The following HS6ST3 variants were observed in gnomAD, a reference collection of about 807,000 sequenced individuals.
HS6ST3 encodes the protein heparan-sulfate 6-O-sulfotransferase 3.
A neutral mutation model predicts 36.7 loss-of-function variants in HS6ST3; 12 were observed. That is an observed-to-expected ratio of 0.33 (90% CI 0.21 to 0.53). The LOEUF (loss-of-function observed/expected upper bound fraction) is 0.53. Ranked by LOEUF, HS6ST3 falls within the 20% of genes least tolerant of loss-of-function variation. The pLI, the probability that HS6ST3 is intolerant of heterozygous loss-of-function variation, is 0.95. For missense variants in HS6ST3, 584 were observed against 640.9 expected, an observed-to-expected ratio of 0.91 and a Z score of 0.96; for synonymous variants, 240 against 257.5, an observed-to-expected ratio of 0.93 and a Z score of 0.65.
intron 1 of HS6ST3, among the ~76,000 whole-genome samples, chr13:96,129,573 G>C (rs2053966642): frequency 6.6e-6 from 1 of 152,176 alleles, no homozygotes; most frequent in African/African-American, 2.4e-5. Flanking sequence ...AGTTAATTTG[G>C]AGCTTATCTT....
chr13:96,770,942 G>A (rs1248895867), intron 1 of HS6ST3, among the ~76,000 whole-genome samples: 1 of 152,124 alleles, frequency 6.6e-6, no homozygotes, highest in Non-Finnish European at 1.5e-5. Context: ...AAAGCAGGAG[G>A]CCTCTTTTAA....
intron 1 of HS6ST3, among the ~76,000 whole-genome samples, chr13:96,381,370 TTATC>T: frequency 9.7e-6 from 1 of 102,638 alleles, no homozygotes; most frequent in East Asian, 2.7e-4. Flanking sequence ...GTATATCTAT[TTATC>T]CATCTATCTA....
intron 1 of HS6ST3, among the ~76,000 whole-genome samples, chr13:96,199,540 A>T (rs2054331032): frequency 6.6e-6 from 1 of 152,226 alleles, no homozygotes; most frequent in Non-Finnish European, 1.5e-5. Flanking sequence ...ATTCATTTTA[A>T]TAACTGAGTA....
intron 1 of HS6ST3, among the ~76,000 whole-genome samples, chr13:96,658,281 T>C (rs1285263953): frequency 6.8e-5 from 2 of 29,626 alleles, no homozygotes; most frequent in Non-Finnish European, 1.5e-4. Context: ...TTTTTTTTTT[T>C]TTTTTTTTTT....
chr13:96,787,986 CCAA>C (rs2138518305), intron 1 of HS6ST3, among the ~76,000 whole-genome samples: 1 of 151,966 alleles, frequency 6.6e-6, no homozygotes, highest in East Asian at 1.9e-4. Flanking sequence ...TCCAATTACT[CCAA>C]CACCATTTGT....
intron 1 of HS6ST3, among the ~76,000 whole-genome samples, chr13:96,583,810 A>T (rs1321449595): frequency 6.6e-6 from 1 of 151,690 alleles, no homozygotes; most frequent in Non-Finnish European, 1.5e-5. Context: ...TCCCCTGATC[A>T]CTCTTATCTA....
At chr13:96,719,131 G>A (rs965901138) in intron 1 of HS6ST3, among the ~76,000 whole-genome samples, 14 of 152,076 alleles carry the variant, frequency 9.2e-5, no homozygotes, top group African/African-American at 3.1e-4. Context: ...AAAATTAGCA[G>A]GGTATGGTGG....
chr13:96,227,647 C>A (rs949539231), intron 1 of HS6ST3, among the ~76,000 whole-genome samples: 1 of 152,190 alleles, frequency 6.6e-6, no homozygotes, highest in Non-Finnish European at 1.5e-5. Context: ...ATTAATTAGA[C>A]AAGAAGCCTC....
At chr13:96,488,187 A>G (rs1343046579) in intron 1 of HS6ST3, among the ~76,000 whole-genome samples, 2 of 152,082 alleles carry the variant, frequency 1.3e-5, no homozygotes, top group African/African-American at 4.8e-5. Flanking sequence ...CACCCCGTGA[A>G]CTTGGCTTCT....
chr13:96,412,152 G>A (rs534637268), intron 1 of HS6ST3, among the ~76,000 whole-genome samples: 5 of 152,018 alleles, frequency 3.3e-5, no homozygotes, highest in East Asian at 1.9e-4. Flanking sequence ...CTACAGGCAC[G>A]CACCACCACG....
chr13:96,798,260 G>T (rs1436071840), intron 1 of HS6ST3, among the ~76,000 whole-genome samples: 1 of 152,026 alleles, frequency 6.6e-6, no homozygotes, highest in African/African-American at 2.4e-5. Context: ...CCCAAACACT[G>T]TCTTTGGGAG....
intron 1 of HS6ST3, among the ~76,000 whole-genome samples, chr13:96,481,377 T>C (rs749133965): frequency 2.6e-5 from 4 of 152,182 alleles, no homozygotes; most frequent in Non-Finnish European, 5.9e-5. Flanking sequence ...AGGGAAGCAG[T>C]GTGTTCCTTT....
intron 1 of HS6ST3, among the ~76,000 whole-genome samples, chr13:96,245,610 A>G (rs181824810): frequency 3.3e-4 from 50 of 152,212 alleles, no homozygotes; most frequent in Non-Finnish European, 4.4e-5. Context: ...TCCGATGCTA[A>G]GGTCTGCAGG....
At chr13:96,354,098 A>C (rs539188463) in intron 1 of HS6ST3, among the ~76,000 whole-genome samples, 1 of 152,346 alleles carries the variant, frequency 6.6e-6, no homozygotes, top group Non-Finnish European at 1.5e-5. Context: ...AACAGTAGGA[A>C]GTAAGCAAAT....
intron 1 of HS6ST3, among the ~76,000 whole-genome samples, chr13:96,808,634 T>G (rs2138533333): frequency 6.6e-6 from 1 of 152,302 alleles, no homozygotes; most frequent in Middle Eastern, 3.4e-3. Flanking sequence ...ACCCAACCTC[T>G]TCTGACCGAT....
At chr13:96,326,379 C>T (rs908405903) in intron 1 of HS6ST3, among the ~76,000 whole-genome samples, 1 of 143,944 alleles carries the variant, frequency 6.9e-6, no homozygotes, top group Non-Finnish European at 1.5e-5. Flanking sequence ...TTCCCGTGTC[C>T]ATGTGTTCTC....
At position 96,453,676 on chromosome 13, in the gene HS6ST3, A is replaced by G. The variant is rs2055740889; in HGVS notation, c.707+362107A>G. On this transcript the variant is annotated intron_variant, in intron 1 of 1. Coordinates refer to ENST00000376705, the MANE Select transcript of HS6ST3 (RefSeq NM_153456.4). ...TATTATTGAAGCTACAAGCCATTTT[A>G]TTAGCTACTGGTTACTTTGCTCATT... Among the ~76,000 whole-genome samples the G allele has an allele frequency of 2.0e-5, 3 of 152,188 alleles. No homozygotes were observed. The South Asian group carries it at 6.2e-4, about 31-fold the overall frequency.
intron 1 of HS6ST3, among the ~76,000 whole-genome samples, chr13:96,484,293 CTCCTTCCTTCCT>C (rs146488079): frequency 6.6e-6 from 1 of 151,656 alleles, no homozygotes; most frequent in Non-Finnish European, 1.5e-5. Flanking sequence ...TCCTTCCTTC[CTCCTTCCTTCCT>C]TCCTTCCTTC....
intron 1 of HS6ST3, among the ~76,000 whole-genome samples, chr13:96,330,517 C>G (rs1190347589): frequency 0.011 from 1,714 of 152,060 alleles, 30 homozygotes; most frequent in African/African-American, 0.04. Flanking sequence ...GGCCCCCACT[C>G]TCTTCTGGCT....
Sources: allele counts gnomAD v4.1 joint callset (sites outside exome capture counted in the v4.1 genomes callset), GRCh38; gene constraint gnomAD v4.1.1; transcripts MANE v1.5; gene names NCBI Gene and HGNC (gene_info 2026-07-23, HGNC 2026-07-21).